The following SKA2 variants were observed in gnomAD, a reference collection of about 807,000 sequenced individuals.
The protein encoded by SKA2 is spindle and kinetochore associated complex subunit 2, also known as spindle and kinetochore-associated protein 2.
A neutral mutation model predicts 16.9 loss-of-function variants in SKA2; 13 were observed. The observed-to-expected ratio is 0.77, with a 90% confidence interval of 0.50 to 1.22. SKA2 has a LOEUF of 1.22. Ranked by LOEUF, SKA2 falls within the 50% of genes most tolerant of loss-of-function variation. The pLI, the probability that SKA2 is intolerant of heterozygous loss-of-function variation, is 0.00. For missense variants in SKA2, 107 were observed against 139.7 expected (o/e 0.77, Z 1.18); for synonymous variants, 47 against 48.5 (o/e 0.97, Z 0.13).
chr17:59,128,630 A>G (rs2046387858), intron 2 of SKA2, among the ~76,000 whole-genome samples: 1 of 151,974 alleles, frequency 6.6e-6, no homozygotes, highest in Non-Finnish European at 1.5e-5. Flanking sequence ...GGTCTCAAAA[A>G]AAAAAAAAAA....
At chr17:59,121,884 A>C (rs2046337428) in intron 2 of SKA2, among the ~76,000 whole-genome samples, 1 of 150,772 alleles carries the variant, frequency 6.6e-6, no homozygotes, top group Non-Finnish European at 1.5e-5. Context: ...AGGTGGGAGA[A>C]TTGCTTGAAC....
At chr17:59,155,058 A>T (rs761551881) in intron 1 of SKA2, 73 bp downstream of exon 1, 1 of 1,613,972 alleles carries the variant, frequency 6.2e-7, no homozygotes, top group South Asian at 1.1e-5. Context: ...CGGCGACTCC[A>T]AATTGTGCCC....
At chr17:59,131,446 T>C in intron 1 of SKA2, 79 bp from the exon 2 acceptor site, 1 of 940,196 alleles carries the variant, frequency 1.1e-6, no homozygotes, top group Non-Finnish European at 1.5e-6. Context: ...TTTTTCTCTT[T>C]ACATTTGTTA....
intron 3 of SKA2, among the ~76,000 whole-genome samples, chr17:59,116,640 TA>T (rs2046298062): frequency 6.6e-6 from 1 of 152,094 alleles, no homozygotes; most frequent in South Asian, 2.1e-4. Flanking sequence ...AGCAAGATAA[TA>T]CCTGAACAGA....
chr17:59,116,333 A>G (rs1455714700), intron 3 of SKA2, among the ~76,000 whole-genome samples: 2 of 152,220 alleles, frequency 1.3e-5, no homozygotes, highest in Non-Finnish European at 2.9e-5. Context: ...AGATTGTGCC[A>G]CTGCACCCCA....
At chr17:59,125,123 G>A (rs1203478703) in intron 2 of SKA2, among the ~76,000 whole-genome samples, 5 of 150,058 alleles carry the variant, frequency 3.3e-5, no homozygotes, top group Non-Finnish European at 7.4e-5. Flanking sequence ...ACAGGCATGC[G>A]CCACTACGCC....
chr17:59,152,252 T>TA (rs955616415), intron 1 of SKA2, among the ~76,000 whole-genome samples: 1 of 152,188 alleles, frequency 6.6e-6, no homozygotes, highest in Non-Finnish European at 1.5e-5. Flanking sequence ...CCCCCATTAG[T>TA]AATGTTGATT....
chr17:59,122,352 G>A (rs1034767866), intron 2 of SKA2, among the ~76,000 whole-genome samples: 4 of 151,984 alleles, frequency 2.6e-5, no homozygotes, highest in African/African-American at 4.8e-5. Flanking sequence ...ACTCACGCCT[G>A]CAAGTCCCAG....
intron 1 of SKA2, among the ~76,000 whole-genome samples, chr17:59,135,696 G>A (rs967370811): frequency 2.0e-5 from 3 of 149,504 alleles, no homozygotes; most frequent in Admixed American, 1.3e-4. Flanking sequence ...AGCCGGACAC[G>A]GTGGCTGAAA....
chr17:59,146,492 C>CT (rs958027013), intron 1 of SKA2, among the ~76,000 whole-genome samples: 1 of 152,012 alleles, frequency 6.6e-6, no homozygotes, highest in African/African-American at 2.4e-5. Flanking sequence ...GAGTGAGACT[C>CT]TGTCTCAAAA....
At chr17:59,154,910 A>G in intron 1 of SKA2, 1 of 1,601,598 alleles carries the variant, frequency 6.2e-7, no homozygotes, top group Non-Finnish European at 8.5e-7. Context: ...CACCCTCAGC[A>G]TCTCCCGCCA....
intron 2 of SKA2, among the ~76,000 whole-genome samples, chr17:59,124,668 CT>C: frequency 6.6e-6 from 1 of 152,120 alleles, no homozygotes; most frequent in East Asian, 1.9e-4. Flanking sequence ...AGAACTAATC[CT>C]TGAGGATCTC....
chr17:59,114,881 C>G (rs940468453), intron 3 of SKA2, among the ~76,000 whole-genome samples: 1 of 152,090 alleles, frequency 6.6e-6, no homozygotes, highest in Non-Finnish European at 1.5e-5. Flanking sequence ...CTGGAACACC[C>G]CAGACCTACA....
At chr17:59,137,691 G>A (rs2046456185) in intron 1 of SKA2, 1 of 470,750 alleles carries the variant, frequency 2.1e-6, no homozygotes, top group Non-Finnish European at 4.2e-6. Context: ...TGTTTATAGT[G>A]AAATCTAGTT....
chr17:59,131,749 T>C (rs1202666990), intron 1 of SKA2, among the ~76,000 whole-genome samples: 1 of 152,210 alleles, frequency 6.6e-6, no homozygotes, highest in Non-Finnish European at 1.5e-5. Context: ...AAATACACTT[T>C]CAATTTAAAA....
At chr17:59,139,992 A>G (rs2046475858) in intron 1 of SKA2, among the ~76,000 whole-genome samples, 1 of 152,170 alleles carries the variant, frequency 6.6e-6, no homozygotes, top group African/African-American at 2.4e-5. Flanking sequence ...CAAGCTAAGG[A>G]CCACTTATAT....
chr17:59,115,700 C>T (rs750405899), intron 3 of SKA2, among the ~76,000 whole-genome samples: 2 of 152,102 alleles, frequency 1.3e-5, no homozygotes, highest in Admixed American at 6.6e-5. Flanking sequence ...CTCGAGCAAT[C>T]GTCCCACCTC....
chr17:59,130,233 A>G (rs553643248), intron 2 of SKA2, among the ~76,000 whole-genome samples: 1 of 152,048 alleles, frequency 6.6e-6, no homozygotes, highest in East Asian at 1.9e-4. Context: ...CTTCTACCCA[A>G]TCCAAAAAAA....
rs376679956 is a variant in SKA2, at chr17:59,139,172, C to T, written c.34-7805G>A. On this transcript the variant is annotated intron_variant, in intron 1 of 3. Transcript: ENST00000330137. The stretch of plus-strand genomic sequence containing the variant: ...CAGCACTTTGGGAGGCTGAGGCGGG[C>T]GGAGCACGAGGTCAGGAGATTGAGA... Among the ~76,000 whole-genome samples, 20 of 151,902 alleles carry T rather than the reference C, an allele frequency of 1.3e-4. No individual in the cohort carries two copies. In the South Asian group the frequency reaches 3.1e-3, roughly 24 times the overall value.
Sources: gnomAD v4.1 joint callset for allele counts (sites outside exome capture counted in the v4.1 genomes callset) on GRCh38, gnomAD v4.1.1 for gene constraint, MANE v1.5 for transcripts, NCBI Gene and HGNC (gene_info 2026-07-23, HGNC 2026-07-21) for gene names.